Variants in CDH13 observed in about 807,000 individuals in gnomAD.
CDH13 encodes the protein cadherin-13.
A neutral mutation model predicts 63.8 loss-of-function variants in CDH13; 24 were observed. The ratio of observed to expected loss-of-function variants is 0.38; its 90% CI spans 0.27 to 0.53. CDH13 has a LOEUF of 0.53. Ranked by LOEUF, CDH13 falls within the 20% of genes least tolerant of loss-of-function variation. The pLI is 0.85. For missense variants in CDH13, 1,049 were observed against 903.1 expected (o/e 1.16, Z -2.07); for synonymous variants, 503 against 355.3 (o/e 1.42, Z -4.67).
intron 6 of CDH13, among the ~76,000 whole-genome samples, chr16:83,448,262 C>T (rs867063699): frequency 6.6e-6 from 1 of 151,862 alleles, no homozygotes; most frequent in Non-Finnish European, 1.5e-5. Context: ...TAAGGAGGGG[C>T]TCATTTGCAG....
chr16:82,774,172 G>A (rs1477237410), intron 1 of CDH13, among the ~76,000 whole-genome samples: 2 of 152,104 alleles, frequency 1.3e-5, no homozygotes, highest in East Asian at 1.9e-4. Flanking sequence ...CAACAGAGAG[G>A]CTACATCATA....
intron 1 of CDH13, among the ~76,000 whole-genome samples, chr16:82,794,417 C>G (rs1485200659): frequency 7.8e-6 from 1 of 128,528 alleles, no homozygotes; most frequent in Admixed American, 8.4e-5. Context: ...CTTTTCTTTT[C>G]TTTTGTTTTT....
chr16:83,099,030 G>A (rs1183807155), intron 3 of CDH13, among the ~76,000 whole-genome samples: 1 of 151,988 alleles, frequency 6.6e-6, no homozygotes, highest in Non-Finnish European at 1.5e-5. Flanking sequence ...ATACCTATGT[G>A]TGTGGGTGTG....
Position 83,328,133 on chromosome 16 carries a change from A to AAAG in CDH13, c.637-16727_637-16726insGAA, listed in dbSNP as rs1555530892. On this transcript the variant is annotated intron_variant, in intron 5 of 13. Coordinates refer to ENST00000567109, the MANE Select transcript of CDH13 (RefSeq NM_001257.5). Reference sequence around the variant, plus strand: ...AGGAGACAGTATTGTCAAAAAAAAAAAAAAAGAAAAAGAAAAAAAATTGAG... The same window carrying AAAG: ...AGGAGACAGTATTGTCAAAAAAAAAAAAGAAAAAGAAAAAGAAAAAAAATTGAG... Among the ~76,000 whole-genome samples the AAAG allele has an allele frequency of 2.6e-3, 378 of 143,628 alleles. 2 individuals carry two copies. Among genetic ancestry groups the AAAG allele is most frequent in the African/African-American group, 8.5e-3 (339 of 39,854 alleles). 94.2% of individuals were successfully genotyped at this position (143,628 alleles called of 152,430 possible).
In CDH13 at chr16:83,546,471, CT is replaced by C. The variant is rs575923764; in HGVS notation, c.961-55973del. 1.4e-4 allele frequency among the ~76,000 whole-genome samples: 20 copies of C among 141,786 alleles called. No individual in the cohort carries two copies. The South Asian group carries it at 3.2e-3, about 22-fold the overall frequency. The allele number at this position is 141,786 out of a possible 152,430, so 93.0% of individuals were successfully genotyped here. On this transcript the variant is annotated intron_variant, in intron 7 of 13. Coordinates refer to ENST00000567109, the MANE Select transcript of CDH13 (RefSeq NM_001257.5). ...TCAAAGAAGAAAATAGCTATTGCTT[CT>C]TTTTTTTTTCTCTGGGTTCAAGACG...
chr16:83,775,351 T>C (rs1429894716), intron 11 of CDH13, among the ~76,000 whole-genome samples: 2 of 151,714 alleles, frequency 1.3e-5, no homozygotes, highest in African/African-American at 2.4e-5. Context: ...AGATTCCCAA[T>C]TGGAAACTCA....
chr16:83,495,424 A>G (rs1403385055), intron 7 of CDH13, among the ~76,000 whole-genome samples: 1 of 152,178 alleles, frequency 6.6e-6, no homozygotes, highest in Non-Finnish European at 1.5e-5. Flanking sequence ...GGTTCTTACT[A>G]TGTAGACGAA....
At chr16:82,632,491 G>C (rs182994151) in intron 1 of CDH13, among the ~76,000 whole-genome samples, 3 of 152,136 alleles carry the variant, frequency 2.0e-5, no homozygotes, top group Admixed American at 1.3e-4. Context: ...TCAGGTGTAA[G>C]AGTCATGCAG....
At chr16:82,834,087 T>G (rs934201093) in intron 1 of CDH13, among the ~76,000 whole-genome samples, 4 of 152,170 alleles carry the variant, frequency 2.6e-5, no homozygotes, top group Admixed American at 2.0e-4. Flanking sequence ...AGATAAGATA[T>G]GATTGCTTTG....
Position 83,214,587 on chromosome 16 carries a change from AAAAAAAAAAAAAAAAGAGG to A in CDH13, c.484-2754_484-2736del, listed in dbSNP as rs1402895840. ...AGAGTGAGACTCTGTCTCAAAAAAAAAAAAAAAAAAAAAAAGAGGAAACCACCTATTCCCTCAGAAAAGG... is the reference window on the plus strand; with the variant it reads ...AGAGTGAGACTCTGTCTCAAAAAAAAAAACCACCTATTCCCTCAGAAAAGG... On this transcript the variant is annotated intron_variant, in intron 4 of 13. Transcript: ENST00000567109. Among the ~76,000 whole-genome samples the A allele has an allele frequency of 2.0e-5, 3 of 147,524 alleles. No individual in the cohort carries two copies. In the East Asian group the frequency reaches 5.9e-4, roughly 29 times the overall value.
At chr16:83,220,127 G>A (rs1004886606) in intron 5 of CDH13, among the ~76,000 whole-genome samples, 6 of 152,190 alleles carry the variant, frequency 3.9e-5, no homozygotes, top group East Asian at 1.9e-4. Flanking sequence ...TTCTGATGCC[G>A]TTTCCCTCCG....
At chr16:82,700,929 G>A (rs1029757905) in intron 1 of CDH13, among the ~76,000 whole-genome samples, 1 of 120,636 alleles carries the variant, frequency 8.3e-6, no homozygotes, top group Non-Finnish European at 1.6e-5. Context: ...AGTGCATTAC[G>A]TGCACCATTG....
At chr16:82,960,360 C>G (rs1906780749) in intron 2 of CDH13, among the ~76,000 whole-genome samples, 1 of 151,986 alleles carries the variant, frequency 6.6e-6, no homozygotes, top group African/African-American at 2.4e-5. Flanking sequence ...ACCTATTTGT[C>G]TTGATAATGG....
intron 4 of CDH13, among the ~76,000 whole-genome samples, chr16:83,174,968 G>T (rs900703405): frequency 6.6e-6 from 1 of 152,102 alleles, no homozygotes; most frequent in African/African-American, 2.4e-5. Flanking sequence ...TCTCCAACCA[G>T]GTCCCTCCCC....
At chr16:83,389,830 C>A (rs2091750823) in intron 6 of CDH13, among the ~76,000 whole-genome samples, 1 of 152,218 alleles carries the variant, frequency 6.6e-6, no homozygotes, top group African/African-American at 2.4e-5. Context: ...GATCATTCAG[C>A]AGCAGCAGAA....
chr16:83,764,023 T>A (rs570186664), intron 11 of CDH13, among the ~76,000 whole-genome samples: 1 of 152,272 alleles, frequency 6.6e-6, no homozygotes, highest in African/African-American at 2.4e-5. Flanking sequence ...ATGAAGATAA[T>A]GCCATCTGCC....
At position 82,836,106 on chromosome 16, in the gene CDH13, C is replaced by A. The variant is rs561917932; in HGVS notation, c.46-22256C>A. 2.6e-5 allele frequency among the ~76,000 whole-genome samples: 4 copies of A among 152,104 alleles called. No homozygotes were observed. In the East Asian group the frequency reaches 7.7e-4, roughly 29 times the overall value. On this transcript the variant is annotated intron_variant, in intron 1 of 13. Transcript: ENST00000567109. ...ATATGAACTTTGCATGTGAAAGATG[C>A]TTCATTTTGCATTTTGTTTGCTTGT...
intron 1 of CDH13, among the ~76,000 whole-genome samples, chr16:82,851,676 CGTGTGTGT>C (rs3046491): frequency 0.64 from 95,486 of 149,674 alleles, 30,775 homozygotes; most frequent in East Asian, 0.87. Flanking sequence ...CATGTGTGTA[CGTGTGTGT>C]GTGTGTGTGT....
intron 6 of CDH13, among the ~76,000 whole-genome samples, chr16:83,351,004 C>T (rs1026035699): frequency 2.6e-5 from 4 of 152,162 alleles, no homozygotes; most frequent in Non-Finnish European, 4.4e-5. Flanking sequence ...TTTTCCAAAA[C>T]AGCTTGAGCT....
Sources: allele counts gnomAD v4.1 joint callset (sites outside exome capture counted in the v4.1 genomes callset), GRCh38; gene constraint gnomAD v4.1.1; transcripts MANE v1.5; gene names NCBI Gene and HGNC (gene_info 2026-07-23, HGNC 2026-07-21).